SEMA4D: variants seen among roughly 807,000 people sequenced by gnomAD.
The protein encoded by SEMA4D is semaphorin 4D.
A neutral mutation model predicts 74.8 loss-of-function variants in SEMA4D; 22 were observed. The ratio of observed to expected loss-of-function variants is 0.29; its 90% CI spans 0.21 to 0.42. The LOEUF is 0.42. SEMA4D is among the 10% of genes least tolerant of loss of function. The pLI is 1.00. For synonymous variants in SEMA4D, 445 were observed against 463.7 expected, an observed-to-expected ratio of 0.96 and a Z score of 0.52; for missense variants, 937 against 1,118.4, an observed-to-expected ratio of 0.84 and a Z score of 2.31.
intron 18 of SEMA4D, among the ~76,000 whole-genome samples, chr9:89,362,670 T>C (rs1017944591): frequency 1.3e-5 from 2 of 152,170 alleles, no homozygotes; most frequent in African/African-American, 4.8e-5. Flanking sequence ...GCAGGAGGGC[T>C]GGAGAGAGGG....
At chr9:89,442,275 T>G (rs575141881) in intron 2 of SEMA4D, among the ~76,000 whole-genome samples, 1 of 152,116 alleles carries the variant, frequency 6.6e-6, no homozygotes, top group Non-Finnish European at 1.5e-5. Flanking sequence ...ACGAGGGTGG[T>G]AGGGGCTGCT....
At chr9:89,412,480 A>T (rs1844749540) in intron 2 of SEMA4D, among the ~76,000 whole-genome samples, 3 of 152,214 alleles carry the variant, frequency 2.0e-5, no homozygotes, top group African/African-American at 7.2e-5. Context: ...CAAACTGGTT[A>T]TGTTGAAAAG....
In SEMA4D at chr9:89,405,439, G is replaced by A; in HGVS notation, c.18C>T (p.Pro6=). Residue 6 remains proline, a synonymous_variant, in exon 3 of 16, where the codon CCC becomes CCT. Transcript: ENST00000422704. MRMCT[P]IRGLLMALAV... ...CAAGGGCCATGAGCAGCCCCCTAAT[G>A]GGGGTGCACATCCTCATCAGGTAGA... 1.9e-6 allele frequency: 3 copies of A among 1,613,840 alleles called. No individual in the cohort carries two copies. Among genetic ancestry groups the A allele is most frequent in the Non-Finnish European group, 8.5e-7 (1 of 1,180,016 alleles).
intron 1 of SEMA4D, among the ~76,000 whole-genome samples, chr9:89,482,740 T>C (rs1411524613): frequency 1.3e-5 from 2 of 152,230 alleles, no homozygotes; most frequent in South Asian, 2.1e-4. Flanking sequence ...AGTCTCCAGA[T>C]GACACCATCA....
intron 1 of SEMA4D, among the ~76,000 whole-genome samples, chr9:89,485,808 AAAAAAAG>A (rs1564008208): frequency 1.6e-4 from 17 of 107,920 alleles, no homozygotes; most frequent in East Asian, 4.2e-4. Flanking sequence ...AAAAAAAAAA[AAAAAAAG>A]AAAAAAAAAA....
At chr9:89,370,068 TTGGTA>T (rs1834310590) in intron 16 of SEMA4D, among the ~76,000 whole-genome samples, 1 of 151,128 alleles carries the variant, frequency 6.6e-6, no homozygotes, top group African/African-American at 2.4e-5. Context: ...GTGGTTGTGT[TTGGTA>T]TGGTGTGTAT....
At chr9:89,409,691 C>A (rs1293930901) in intron 2 of SEMA4D, among the ~76,000 whole-genome samples, 1 of 152,108 alleles carries the variant, frequency 6.6e-6, no homozygotes, top group African/African-American at 2.4e-5. Flanking sequence ...GTGCCCACAC[C>A]GGAGGGCTAG....
chr9:89,388,974 C>G lies in SEMA4D; in HGVS notation c.848G>C (p.Arg283Pro), dbSNP rs183382591. ...ATTGAAGACCAAGCCGCTGTCTGGC[C>G]GGGAGCAGATGAGTCGGGCTTTCAG... ...SFLKARLICS[R>P]PDSGLVFNVL... Residue 283 changes from arginine to proline, a missense_variant, in exon 10 of 16, where the codon CGG becomes CCG. Physicochemically the swap from Arg to Pro is moderately radical, Grantham distance 103 (BLOSUM62 -2). Coordinates refer to ENST00000422704, the MANE Select transcript of SEMA4D (RefSeq NM_001371194.2). 1.9e-6 allele frequency: 3 copies of G among 1,613,958 alleles called. No individual in the cohort carries two copies. Among genetic ancestry groups the G allele is most frequent in the Non-Finnish European group, 1.7e-6 (2 of 1,180,020 alleles).
chr9:89,482,780 G>A (rs1824827403), intron 1 of SEMA4D, among the ~76,000 whole-genome samples: 3 of 152,196 alleles, frequency 2.0e-5, no homozygotes, highest in Admixed American at 1.3e-4. Context: ...TGTGGCCTGA[G>A]CATGGTCTCC....
At chr9:89,418,059 TATC>T (rs1486646037) in intron 2 of SEMA4D, 1 of 982,794 alleles carries the variant, frequency 1.0e-6, no homozygotes, top group African/African-American at 1.7e-5. Context: ...GTTTTACCTG[TATC>T]TTATGCCTCT....
chr9:89,395,981 T>C (rs959806624), intron 6 of SEMA4D, among the ~76,000 whole-genome samples: 4 of 152,252 alleles, frequency 2.6e-5, no homozygotes, highest in African/African-American at 7.2e-5. Flanking sequence ...CATGGACTTA[T>C]TTAAAATGCT....
At chr9:89,371,480 T>C (rs1175349498) in intron 16 of SEMA4D, among the ~76,000 whole-genome samples, 2 of 80,370 alleles carry the variant, frequency 2.5e-5, no homozygotes, top group East Asian at 4.1e-4. Flanking sequence ...GGGTGTGATG[T>C]GTGTGGGATG....
intron 2 of SEMA4D, among the ~76,000 whole-genome samples, chr9:89,409,923 C>G (rs1405419536): frequency 6.6e-6 from 1 of 152,178 alleles, no homozygotes; most frequent in Non-Finnish European, 1.5e-5. Context: ...TTTCAACTCT[C>G]TCTGGAAACC....
chr9:89,485,460 A>C (rs1825106278), intron 1 of SEMA4D, among the ~76,000 whole-genome samples: 1 of 152,168 alleles, frequency 6.6e-6, no homozygotes, highest in Non-Finnish European at 1.5e-5. Flanking sequence ...TTCAGACTCC[A>C]ATGGCCAAAG....
At chr9:89,440,496 G>GCTCTA (rs1237268782) in intron 2 of SEMA4D, among the ~76,000 whole-genome samples, 1 of 137,880 alleles carries the variant, frequency 7.3e-6, no homozygotes, top group East Asian at 2.2e-4. Flanking sequence ...TGGCCCCTGA[G>GCTCTA]CCCTACCCTC....
chr9:89,383,026 A>G, intron 13 of SEMA4D, among the ~76,000 whole-genome samples: 1 of 152,202 alleles, frequency 6.6e-6, no homozygotes, highest in East Asian at 1.9e-4. Context: ...CTAAGCTGTA[A>G]AAACTAAACG....
At chr9:89,362,441 T>C in intron 18 of SEMA4D, 1 of 1,613,986 alleles carries the variant, frequency 6.2e-7, no homozygotes, top group Non-Finnish European at 8.5e-7. Flanking sequence ...GAAAGAACAA[T>C]GTGGTCTTTG....
rs45515192 is a variant in SEMA4D at position 89,363,868 on chromosome 9, G to C, written c.1965C>G (p.Pro655=). The C allele has an allele frequency of 1.5e-5, 24 of 1,613,930 alleles. No homozygotes were observed. In the Admixed American group the frequency reaches 2.3e-4, roughly 16 times the overall value. The change falls in exon 17 of 19, where the codon CCC becomes CCG. Residue 655 remains proline, a synonymous_variant. Coordinates refer to the SEMA4D transcript ENST00000339861. The stretch of plus-strand genomic sequence containing the variant: ...AGCTGAGTGCATGGGCCCTGCCATC[G>C]GGCAGTGCATGGGTCTGCACAGGGA...
chr9:89,374,903 A>G (rs1835573641), downstream of SEMA4D, among the ~76,000 whole-genome samples: 2 of 152,156 alleles, frequency 1.3e-5, no homozygotes, highest in Admixed American at 1.3e-4. Flanking sequence ...AAATACAAAA[A>G]TTAGCTGGGC....
Sources: allele counts gnomAD v4.1 joint callset (sites outside exome capture counted in the v4.1 genomes callset), GRCh38; gene constraint gnomAD v4.1.1; transcripts MANE v1.5; gene names NCBI Gene and HGNC (gene_info 2026-07-23, HGNC 2026-07-21).